The following MRTFB variants were observed in gnomAD, a reference collection of about 807,000 sequenced individuals.
MRTFB encodes the protein myocardin-related transcription factor B.
In MRTFB, 29 loss-of-function variants were observed where a neutral mutation model predicts 104.2. That is an observed-to-expected ratio of 0.28 (90% CI 0.21 to 0.38). MRTFB has a LOEUF of 0.38. Among genes scored for constraint, MRTFB ranks in the 10% least tolerant of loss-of-function variants. The pLI is 1.00. For missense variants in MRTFB, 1,270 were observed against 1,341.6 expected (o/e 0.95, Z 0.83); for synonymous variants, 535 against 519.5 (o/e 1.03, Z -0.41).
chr16:14,120,977 T>G (rs946842869), intron 2 of MRTFB, among the ~76,000 whole-genome samples: 10 of 152,212 alleles, frequency 6.6e-5, no homozygotes, highest in Non-Finnish European at 1.0e-4. Flanking sequence ...AAGAAGTTAT[T>G]TGTGCATTCC....
rs1567213418 is a variant in MRTFB, at chr16:14,246,613, A to C, written c.1353A>C (p.Ser451=). Residue 451 remains serine (S), a synonymous_variant, in exon 12 of 17, where the codon TCA becomes TCC. Transcript: ENST00000571589. ...CTGGGGGCATCGTGGCAGTGTCATCATCAGCCATTGTCACCAGTAACCCAG... is the reference window on the plus strand; with the variant it reads ...CTGGGGGCATCGTGGCAGTGTCATCCTCAGCCATTGTCACCAGTAACCCAG... The part of the protein sequence containing the change: ...LAAGGIVAVS[S]SAIVTSNPEV... 6.2e-7 allele frequency: 1 copy of C among 1,614,162 alleles called. No homozygotes were observed. The highest frequency in any genetic ancestry group is 8.5e-7 in the Non-Finnish European group (1 of 1,180,038).
chr16:14,013,386 G>C, the MRTFB span: 1 of 152,160 alleles, frequency 6.6e-6, no homozygotes, highest in Non-Finnish European at 1.5e-5. Flanking sequence ...AAGGCAATCA[G>C]GTCCAGATGG....
chr16:14,112,815 G>T (rs138836903), intron 2 of MRTFB, among the ~76,000 whole-genome samples: 211 of 152,136 alleles, frequency 1.4e-3, no homozygotes, highest in African/African-American at 4.9e-3. Flanking sequence ...ACCTCCTTCT[G>T]GTCTGTGTTC....
At chr16:14,228,111 T>C (rs1358127743) in intron 8 of MRTFB, among the ~76,000 whole-genome samples, 2 of 152,208 alleles carry the variant, frequency 1.3e-5, no homozygotes, top group African/African-American at 4.8e-5. Context: ...TTACAATGGC[T>C]ACTATCAAAA....
the MRTFB span, chr16:14,009,632 A>G: frequency 6.6e-6 from 1 of 152,172 alleles, no homozygotes; most frequent in East Asian, 1.9e-4. Flanking sequence ...ATTAAGTGTG[A>G]TGTTAGCTCT....
intron 3 of MRTFB, chr16:14,200,245 T>C (rs557828656): frequency 1.4e-6 from 2 of 1,391,270 alleles, no homozygotes; most frequent in East Asian, 2.4e-5. Context: ...GAATAATACA[T>C]CCATATGTTA....
chr16:14,217,145 C>G lies in MRTFB; in HGVS notation c.372C>G (p.Ser124=). Residue 124 remains serine, a synonymous_variant, in exon 7 of 17, where the codon TCC becomes TCG. Transcript: ENST00000571589. ...HILEETFAEP[S]LQATQMKLKR... is the part of the protein sequence containing the mutation. ...TTTTAGAAACATTTGCAGAGCCATC[C>G]CTGCAGGCTACTCAGATGAAGTTGA... is the stretch of plus-strand genomic sequence containing the variant. 6.2e-7 allele frequency: 1 copy of G among 1,610,128 alleles called. No homozygotes were observed. Among genetic ancestry groups the G allele is most frequent in the South Asian group, 1.1e-5 (1 of 89,708 alleles).
In MRTFB at chr16:14,155,429, T is replaced by C. The variant is rs759626559; in HGVS notation, c.154+14669T>C. 2.8e-4 allele frequency among the ~76,000 whole-genome samples: 42 copies of C among 152,246 alleles called. 2 individuals carry two copies. Among genetic ancestry groups the C allele is most frequent in the Non-Finnish European group, 7.3e-5 (5 of 68,042 alleles). ...TTTCATCATTCTGGGTCTGTTTTTATTGATGAATTTTCCTCCTATTTAAGA... is the reference window on the plus strand; with the variant it reads ...TTTCATCATTCTGGGTCTGTTTTTACTGATGAATTTTCCTCCTATTTAAGA... On this transcript the variant is annotated intron_variant, in intron 3 of 16. Transcript: ENST00000571589.
At chr16:14,111,291 A>C (rs1389232651) in intron 2 of MRTFB, among the ~76,000 whole-genome samples, 1 of 152,228 alleles carries the variant, frequency 6.6e-6, no homozygotes, top group African/African-American at 2.4e-5. Context: ...GATGTTAAAC[A>C]TGCAGAGATT....
chr16:14,017,843 A>G, the MRTFB span, among the ~76,000 whole-genome samples: 1 of 147,152 alleles, frequency 6.8e-6, no homozygotes, highest in African/African-American at 2.5e-5. Flanking sequence ...CTCAGCCTCT[A>G]AGTAGCTGGG....
At chr16:14,173,582 T>G (rs545325513) in intron 3 of MRTFB, among the ~76,000 whole-genome samples, 2 of 152,156 alleles carry the variant, frequency 1.3e-5, no homozygotes, top group Non-Finnish European at 2.9e-5. Context: ...ATCTGTAAAT[T>G]TATGTTTTTC....
upstream of MRTFB, among the ~76,000 whole-genome samples, chr16:14,068,582 TTG>T (rs1193658092): frequency 2.6e-5 from 4 of 152,074 alleles, no homozygotes; most frequent in Non-Finnish European, 5.9e-5. Flanking sequence ...TCGTTGCGTG[TTG>T]TGTGTGTCGT....
intron 2 of MRTFB, among the ~76,000 whole-genome samples, chr16:14,132,932 C>A (rs370542714): frequency 6.6e-6 from 1 of 151,878 alleles, no homozygotes; most frequent in Non-Finnish European, 1.5e-5. Context: ...TTATGCCAGT[C>A]GTAGTAATTT....
In MRTFB at chr16:14,263,861, CCT is replaced by C. The variant is rs2043857956; in HGVS notation, c.*2423_*2424del. 6.6e-6 allele frequency: 1 copy of C among 152,240 alleles called. No homozygotes were observed. Among genetic ancestry groups the C allele is most frequent in the Non-Finnish European group, 1.5e-5 (1 of 68,074 alleles). 9.4% of individuals were successfully genotyped at this position (152,240 alleles called of 1,614,324 possible). On this transcript the variant is annotated 3_prime_UTR_variant, in exon 17 of 17. Transcript: ENST00000571589. Reference sequence around the variant, plus strand: ...CACTTGCACCATTCCGCTTGACCCTCCTCTCTCCTGGCTTGGGTCACCAGCCA... The same window carrying C: ...CACTTGCACCATTCCGCTTGACCCTCCTCTCCTGGCTTGGGTCACCAGCCA...
chr16:14,167,556 T>G (rs964431818), intron 3 of MRTFB, among the ~76,000 whole-genome samples: 2 of 152,222 alleles, frequency 1.3e-5, no homozygotes, highest in Non-Finnish European at 2.9e-5. Context: ...GCTTTTGATG[T>G]TTTCATTATG....
intron 8 of MRTFB, among the ~76,000 whole-genome samples, chr16:14,228,372 C>T (rs1295786588): frequency 1.3e-5 from 2 of 152,140 alleles, no homozygotes; most frequent in Non-Finnish European, 2.9e-5. Context: ...GTTAGGAGAT[C>T]GAGACCATCC....
chr16:14,094,502 C>T (rs1283802047), intron 2 of MRTFB, among the ~76,000 whole-genome samples: 1 of 152,124 alleles, frequency 6.6e-6, no homozygotes, highest in Middle Eastern at 3.2e-3. Flanking sequence ...TCTGTAGTTT[C>T]TATAGTTTTA....
At chr16:14,014,175 G>A in the MRTFB span, among the ~76,000 whole-genome samples, 2 of 152,230 alleles carry the variant, frequency 1.3e-5, no homozygotes, top group South Asian at 2.1e-4. Context: ...TTTCCCAATT[G>A]CGTGGAGAAT....
intron 8 of MRTFB, among the ~76,000 whole-genome samples, chr16:14,229,758 T>C (rs953201518): frequency 3.9e-5 from 6 of 152,176 alleles, no homozygotes; most frequent in African/African-American, 1.2e-4. Flanking sequence ...AGTTTTTTTT[T>C]TGAATGCATA....
Sources: gnomAD v4.1 joint callset for allele counts (sites outside exome capture counted in the v4.1 genomes callset) on GRCh38, gnomAD v4.1.1 for gene constraint, MANE v1.5 for transcripts, NCBI Gene and HGNC (gene_info 2026-07-23, HGNC 2026-07-21) for gene names.